Variants in SLC1A1 observed in about 807,000 individuals in gnomAD.
The protein encoded by SLC1A1 is excitatory amino acid transporter 3.
In SLC1A1, 43 loss-of-function variants were observed where a neutral mutation model predicts 53.3. The ratio of observed to expected loss-of-function variants is 0.81; its 90% confidence interval spans 0.63 to 1.04. The LOEUF (loss-of-function observed/expected upper bound fraction) is 1.04. Ranked by LOEUF, SLC1A1 falls within the 50% of genes least tolerant of loss-of-function variation. The pLI, the probability that SLC1A1 is intolerant of heterozygous loss-of-function variation, is 0.00. For missense variants in SLC1A1, 748 were observed against 664.9 expected (o/e 1.12, Z -1.37); for synonymous variants, 307 against 243.2 (o/e 1.26, Z -2.44).
At chr9:4,567,812 T>A (rs1367817330) in intron 6 of SLC1A1, 45 bp downstream of exon 6, 2 of 1,181,866 alleles carry the variant, frequency 1.7e-6, no homozygotes, top group Non-Finnish European at 2.5e-6. Context: ...AGACAGGCAC[T>A]GAGTCATGAC....
intron 10 of SLC1A1, among the ~76,000 whole-genome samples, 168 bp downstream of exon 10, chr9:4,576,931 T>C (rs1176224683): frequency 6.6e-6 from 1 of 152,242 alleles, no homozygotes; most frequent in African/African-American, 2.4e-5. Flanking sequence ...GCAAGATTTC[T>C]GCTTCGGGGT....
At chr9:4,509,315 A>C (rs1411811266) in intron 1 of SLC1A1, among the ~76,000 whole-genome samples, 1 of 152,138 alleles carries the variant, frequency 6.6e-6, no homozygotes, top group Non-Finnish European at 1.5e-5. Context: ...GACTCAAAAG[A>C]GTTTCACTGA....
At chr9:4,560,513 G>T (rs976151171) in intron 2 of SLC1A1, among the ~76,000 whole-genome samples, 2 of 152,054 alleles carry the variant, frequency 1.3e-5, no homozygotes, top group Non-Finnish European at 2.9e-5. Flanking sequence ...ATATTAACTT[G>T]GTTGATGAGA....
chr9:4,535,902 C>T (rs955139338), intron 1 of SLC1A1, among the ~76,000 whole-genome samples: 6 of 152,116 alleles, frequency 3.9e-5, no homozygotes, highest in South Asian at 4.2e-4. Flanking sequence ...TATCTACAAC[C>T]ATCTGATCTT....
intron 1 of SLC1A1, among the ~76,000 whole-genome samples, chr9:4,508,972 G>C (rs559045997): frequency 1.3e-5 from 2 of 152,032 alleles, no homozygotes; most frequent in African/African-American, 4.8e-5. Flanking sequence ...CTGTTTGAGG[G>C]GGTAATAGAA....
chr9:4,529,471 A>C (rs1489162182), intron 1 of SLC1A1, among the ~76,000 whole-genome samples: 1 of 152,168 alleles, frequency 6.6e-6, no homozygotes, highest in Non-Finnish European at 1.5e-5. Context: ...TCCATCCTTA[A>C]GGGCAGGGGA....
In SLC1A1 at chr9:4,556,653, C is replaced by T. The variant is rs80240112; in HGVS notation, c.233-4796C>T. Among the ~76,000 whole-genome samples the T allele has an allele frequency of 3.5e-3, 532 of 152,252 alleles. 1 individual carries two copies. Among genetic ancestry groups the T allele is most frequent in the African/African-American group, 0.012 (487 of 41,546 alleles). ...AGTTGGGCCTGATCTTCGACGTCAA[C>T]GCCAGTTAAGAGTCTAATGCCTGGA... is the stretch of plus-strand genomic sequence containing the variant. On this transcript the variant is annotated intron_variant, in intron 2 of 11. Transcript: ENST00000262352. This position sits in a 1 kb window ranked among gnomAD's most constrained non-coding sequence, Gnocchi z 4.1.
chr9:4,572,222 A>G lies in SLC1A1; in HGVS notation c.601A>G (p.Lys201Glu), dbSNP rs1359907719. 2 of 1,613,380 alleles carry G rather than the reference A, an allele frequency of 1.2e-6. No homozygotes were observed. Among genetic ancestry groups the G allele is most frequent in the East Asian group, 2.2e-5 (1 of 44,880 alleles). The change falls in exon 7 of 12, where the codon AAA (lysine) becomes GAA (glutamate). Residue 201 changes from lysine (K) to glutamate (E), a missense_variant. Coordinates refer to ENST00000262352, the MANE Select transcript of SLC1A1 (RefSeq NM_004170.6). ...TCCACAGAACAAAACAAAGGAATAC[A>G]AAATTGTTGGCATGTATTCAGATGG... The part of the protein sequence containing the change: ...AISKNKTKEY[K>E]IVGMYSDGIN...
chr9:4,561,436 G>A lies in SLC1A1; in HGVS notation c.233-13G>A. On this transcript the variant is annotated splice_polypyrimidine_tract_variant and intron_variant, in intron 2 of 11. Coordinates refer to ENST00000262352, the MANE Select transcript of SLC1A1 (RefSeq NM_004170.6). ...TTAAAATTAATGTAATTTGATTTCT[G>A]TCTCCCCTTCAGGTGTTGCTGCACT... 1.3e-6 allele frequency: 2 copies of A among 1,493,372 alleles called. No homozygotes were observed. Among genetic ancestry groups the A allele is most frequent in the Non-Finnish European group, 1.9e-6 (2 of 1,070,046 alleles). 92.5% of individuals were successfully genotyped at this position (1,493,372 alleles called of 1,614,324 possible).
intron 5 of SLC1A1, among the ~76,000 whole-genome samples, chr9:4,566,944 G>A (rs1309225265): frequency 1.3e-5 from 2 of 152,116 alleles, no homozygotes; most frequent in Non-Finnish European, 2.9e-5. Flanking sequence ...CAACTCTGTT[G>A]CTCTCTGCCG....
At chr9:4,498,600 G>T (rs1470485915) in intron 1 of SLC1A1, among the ~76,000 whole-genome samples, 2 of 151,866 alleles carry the variant, frequency 1.3e-5, no homozygotes, top group African/African-American at 2.4e-5. Context: ...GAGGAATATA[G>T]CTTTATGTTT....
intron 1 of SLC1A1, among the ~76,000 whole-genome samples, chr9:4,525,038 T>A (rs1816210660): frequency 6.6e-6 from 1 of 152,172 alleles, no homozygotes; most frequent in South Asian, 2.1e-4. Context: ...AAGACCCACT[T>A]ACAGGCTTTA....
At chr9:4,532,397 C>T (rs57615660) in intron 1 of SLC1A1, among the ~76,000 whole-genome samples, 3,688 of 152,012 alleles carry the variant, frequency 0.024, 155 homozygotes, top group African/African-American at 0.085. Flanking sequence ...AACCAAGGCA[C>T]GAGAACTACG....
chr9:4,525,320 T>G (rs1356313933), intron 1 of SLC1A1, among the ~76,000 whole-genome samples: 1 of 152,188 alleles, frequency 6.6e-6, no homozygotes, highest in African/African-American at 2.4e-5. Flanking sequence ...GTGCATCATC[T>G]AAATTTACAC....
At chr9:4,535,727 C>T (rs1816650606) in intron 1 of SLC1A1, among the ~76,000 whole-genome samples, 1 of 151,852 alleles carries the variant, frequency 6.6e-6, no homozygotes, top group African/African-American at 2.4e-5. Context: ...TCATATGGAA[C>T]CAAAAAAGAG....
rs771833630 is a variant in SLC1A1, at chr9:4,573,951, T to C, written c.812T>C (p.Ile271Thr). 6 of 1,614,018 alleles carry C rather than the reference T, an allele frequency of 3.7e-6. No homozygotes were observed. The highest frequency in any genetic ancestry group is 2.2e-5 in the South Asian group (2 of 91,084). ...TTGTTCCTGATTGCTGGGAAGATCATAGAAGTTGAAGACTGGGAAATATTC... is the reference window on the plus strand; with the variant it reads ...TTGTTCCTGATTGCTGGGAAGATCACAGAAGTTGAAGACTGGGAAATATTC... ...GILFLIAGKI[I>T]EVEDWEIFRK... The change falls in exon 8 of 12, where the codon ATA (isoleucine) becomes ACA (threonine). Residue 271 changes from isoleucine (I) to threonine (T), a missense_variant. Ile to Thr is a moderately conservative substitution (Grantham distance 89). Transcript: ENST00000262352.
rs752394755 is a variant in SLC1A1 at position 4,561,472 on chromosome 9, G to A, written c.256G>A (p.Val86Ile). 44 of 1,608,432 alleles carry A rather than the reference G, an allele frequency of 2.7e-5. No individual in the cohort carries two copies. The highest frequency in any genetic ancestry group is 3.3e-5 in the Non-Finnish European group (39 of 1,174,966). Residue 86 changes from valine to isoleucine, a missense_variant, in exon 3 of 12, where the codon GTA becomes ATA. By Grantham distance (29) the Val-to-Ile change is conservative (BLOSUM62 3). Transcript: ENST00000262352. ...ITGVAALDSN[V>I]SGKIGLRAVV... ...AGGTGTTGCTGCACTGGATTCCAAC[G>A]TATCCGGAAAAATTGGTCTGCGCGC...
chr9:4,583,206 T>A lies in SLC1A1; in HGVS notation c.1328+34T>A. The A allele has an allele frequency of 6.2e-7, 1 of 1,613,580 alleles. No individual in the cohort carries two copies. Among genetic ancestry groups the A allele is most frequent in the Non-Finnish European group, 8.5e-7 (1 of 1,179,512 alleles). On this transcript the variant is annotated intron_variant, in intron 11 of 11. Coordinates refer to ENST00000262352, the MANE Select transcript of SLC1A1 (RefSeq NM_004170.6). The surrounding 1 kb of genome is among the most constrained non-coding windows in gnomAD (Gnocchi z 4.6). ...GAATAAATGCACTGCCTTAGCTGGA[T>A]GTGCAGGCGGGCTTCCCAGCCTCGC...
chr9:4,504,607 C>T (rs1820738620), intron 1 of SLC1A1, among the ~76,000 whole-genome samples: 1 of 152,158 alleles, frequency 6.6e-6, no homozygotes. Flanking sequence ...TGAGGTTTCA[C>T]CAGACTGAAG....
Sources: allele counts gnomAD v4.1 joint callset (sites outside exome capture counted in the v4.1 genomes callset), GRCh38; gene constraint gnomAD v4.1.1; non-coding constraint Gnocchi (gnomAD v3.1); transcripts MANE v1.5; gene names NCBI Gene and HGNC (gene_info 2026-07-23, HGNC 2026-07-21).